Variants in ITSN2 observed in about 807,000 individuals in gnomAD.
ITSN2 encodes intersectin 2, also known as intersectin-2.
Under a neutral mutation model 243.7 loss-of-function variants are expected in ITSN2, and 156 were observed. That is an observed-to-expected ratio of 0.64 (90% CI 0.56 to 0.73). The LOEUF is 0.73. ITSN2 is among the 30% of genes least tolerant of loss of function. The pLI is 0.00. For synonymous variants in ITSN2, 703 were observed against 699.9 expected (o/e 1.00, Z -0.07); for missense variants, 1,801 against 1,996.1 (o/e 0.90, Z 1.86).
chr2:24,233,488 G>C (rs1361113726), intron 29 of ITSN2, among the ~76,000 whole-genome samples: 1 of 152,164 alleles, frequency 6.6e-6, no homozygotes, highest in African/African-American at 2.4e-5. Context: ...TGACTGTTCT[G>C]CTTTTGTGGT....
intron 24 of ITSN2, among the ~76,000 whole-genome samples, chr2:24,253,162 G>A (rs950200123): frequency 1.1e-4 from 17 of 152,232 alleles, no homozygotes; most frequent in African/African-American, 4.1e-4. Flanking sequence ...GAAACAGTTG[G>A]TGACTTGGTT....
intron 1 of ITSN2, among the ~76,000 whole-genome samples, chr2:24,337,356 A>ACAT (rs1261225154): frequency 8.5e-6 from 1 of 117,444 alleles, no homozygotes; most frequent in Non-Finnish European, 1.8e-5. Flanking sequence ...ATATATATGT[A>ACAT]ATTTTTTTTT....
At position 24,286,354 on chromosome 2, in the gene ITSN2, G is replaced by GA. The variant is rs754796551; in HGVS notation, c.1724-4dup. On this transcript the variant is annotated splice_polypyrimidine_tract_variant and splice_region_variant and intron_variant, in intron 15 of 39. Transcript: ENST00000355123. Reference sequence around the variant, plus strand: ...ATGAAGTAAACTGACCCCTGAATCTGAAAAACAAACATCAGACAGTTTACA... The same window carrying GA: ...ATGAAGTAAACTGACCCCTGAATCTGAAAAAACAAACATCAGACAGTTTACA... The GA allele has an allele frequency of 6.9e-5, 111 of 1,609,100 alleles. No individual in the cohort carries two copies. Among genetic ancestry groups the GA allele is most frequent in the Middle Eastern group, 5.0e-4 (3 of 6,016 alleles).
intron 20 of ITSN2, among the ~76,000 whole-genome samples, chr2:24,268,464 C>T (rs1489070634): frequency 6.6e-6 from 1 of 152,146 alleles, no homozygotes; most frequent in African/African-American, 2.4e-5. Flanking sequence ...AAGAATCTTC[C>T]TCATCTCCAT....
intron 1 of ITSN2, among the ~76,000 whole-genome samples, chr2:24,356,178 G>A (rs541549429): frequency 6.8e-6 from 1 of 147,120 alleles, no homozygotes; most frequent in African/African-American, 2.5e-5. Context: ...CTCCAGCCTG[G>A]GGGACAAGAG....
rs764266780 is a variant in ITSN2 at position 24,210,918 on chromosome 2, T to C, written c.4119A>G (p.Ala1373=). 7 of 1,614,122 alleles carry C rather than the reference T, an allele frequency of 4.3e-6. No individual in the cohort carries two copies. The African/African-American group carries it at 9.3e-5, about 22-fold the overall frequency. The change falls in exon 34 of 40, where the codon GCA becomes GCG. Residue 1373 remains alanine, a synonymous_variant. Transcript: ENST00000355123. ...GGGCCAGCTTTAGGGAGGAATGGTC[T>C]GCATGGCTCTCCGGGGTGTTCTCCA... ...SILENTPESH[A]DHSSLKLALE...
rs117050212 is a variant in ITSN2, at chr2:24,209,469, C to T, written c.4474-248G>A. Among the ~76,000 whole-genome samples the T allele has an allele frequency of 1.9e-3, 295 of 152,334 alleles. 4 individuals carry two copies. The highest frequency in any genetic ancestry group is 0.014 in the Admixed American group (216 of 15,310). ...ACTGGGTGGGGACAGGAGCTCCAAG[C>T]GCCCATGACGGCTGGTGCAAAAGGC... On this transcript the variant is annotated intron_variant, in intron 35 of 39. Coordinates refer to ENST00000355123, the MANE Select transcript of ITSN2 (RefSeq NM_006277.3).
At chr2:24,314,605 T>C (rs1683687990) in intron 3 of ITSN2, among the ~76,000 whole-genome samples, 1 of 152,232 alleles carries the variant, frequency 6.6e-6, no homozygotes, top group Non-Finnish European at 1.5e-5. Context: ...ATAGTTACTA[T>C]TATTGTATGT....
intron 2 of ITSN2, 80 bp from the exon 3 acceptor site, chr2:24,315,304 A>C: frequency 1.3e-6 from 1 of 789,776 alleles, no homozygotes; most frequent in South Asian, 1.6e-5. Context: ...TAGAAATCAC[A>C]AGTGTTCATT....
intron 1 of ITSN2, among the ~76,000 whole-genome samples, chr2:24,346,662 G>A (rs1173219370): frequency 6.6e-6 from 1 of 152,010 alleles, no homozygotes; most frequent in Non-Finnish European, 1.5e-5. Context: ...TATGTGTGGG[G>A]TACATGAAGG....
chr2:24,310,970 G>A (rs908402305), intron 5 of ITSN2, among the ~76,000 whole-genome samples: 3 of 152,070 alleles, frequency 2.0e-5, no homozygotes, highest in Middle Eastern at 3.4e-3. Context: ...TTTTCCAATT[G>A]AATATGAGTC....
chr2:24,359,668 T>C (rs1474722175), intron 1 of ITSN2, among the ~76,000 whole-genome samples: 2 of 152,130 alleles, frequency 1.3e-5, no homozygotes, highest in African/African-American at 4.8e-5. Flanking sequence ...AAACTTTATC[T>C]GGCCTGAGAG....
At chr2:24,333,478 C>T (rs2551127) in intron 1 of ITSN2, among the ~76,000 whole-genome samples, 72 of 152,244 alleles carry the variant, frequency 4.7e-4, no homozygotes, top group African/African-American at 1.7e-3. Context: ...CCTTTCTACT[C>T]TTCACAGGGG....
At chr2:24,345,109 CTTA>C (rs1379909824) in intron 1 of ITSN2, among the ~76,000 whole-genome samples, 1 of 152,088 alleles carries the variant, frequency 6.6e-6, no homozygotes, top group African/African-American at 2.4e-5. Context: ...AGCTTTTACA[CTTA>C]TTATACACTT....
intron 20 of ITSN2, among the ~76,000 whole-genome samples, chr2:24,269,422 A>T (rs1038382624): frequency 1.3e-5 from 2 of 152,202 alleles, no homozygotes; most frequent in Non-Finnish European, 1.5e-5. Context: ...ATTTGTTCAA[A>T]TCAGGCAACT....
chr2:24,328,765 T>C (rs993260313), intron 1 of ITSN2, among the ~76,000 whole-genome samples: 3 of 152,178 alleles, frequency 2.0e-5, no homozygotes, highest in African/African-American at 7.2e-5. Flanking sequence ...ACCCAGCCCA[T>C]AGTATCATTT....
Position 24,301,526 on chromosome 2 carries a change from C to CT in ITSN2, c.996-288dup, listed in dbSNP as rs999219345. Among the ~76,000 whole-genome samples the CT allele has an allele frequency of 6.9e-3, 948 of 137,230 alleles. 9 individuals carry two copies. Among genetic ancestry groups the CT allele is most frequent in the East Asian group, 0.038 (180 of 4,756 alleles). 90.0% of individuals were successfully genotyped at this position (137,230 alleles called of 152,430 possible). A position where few individuals can be genotyped will look rare whatever the true frequency, so the allele number is the denominator to read the frequency against. ...TAACATAATGAAAACACATCCACTTCTTTTTTTTTTTTTTTTTGAGGCAGG... is the reference window on the plus strand; with the variant it reads ...TAACATAATGAAAACACATCCACTTCTTTTTTTTTTTTTTTTTTGAGGCAGG... On this transcript the variant is annotated intron_variant, in intron 10 of 39. Coordinates refer to ENST00000355123, the MANE Select transcript of ITSN2 (RefSeq NM_006277.3).
intron 16 of ITSN2, among the ~76,000 whole-genome samples, chr2:24,285,872 A>G (rs997555354): frequency 3.3e-5 from 5 of 152,218 alleles, no homozygotes; most frequent in African/African-American, 1.2e-4. Context: ...CAAATTTTCC[A>G]TATTTCTCAT....
At chr2:24,355,137 TATA>T in intron 1 of ITSN2, among the ~76,000 whole-genome samples, 1 of 152,182 alleles carries the variant, frequency 6.6e-6, no homozygotes, top group Non-Finnish European at 1.5e-5. Flanking sequence ...CAAGAATACC[TATA>T]TTCACACTTT....
Sources: gnomAD v4.1 joint callset for allele counts (sites outside exome capture counted in the v4.1 genomes callset) on GRCh38, gnomAD v4.1.1 for gene constraint, MANE v1.5 for transcripts, NCBI Gene and HGNC (gene_info 2026-07-23, HGNC 2026-07-21) for gene names.